The following NEDD1 variants were observed in gnomAD, a reference collection of about 807,000 sequenced individuals.
NEDD1 encodes NEDD1 gamma-tubulin ring complex targeting factor, also known as protein NEDD1.
In NEDD1, 33 loss-of-function variants were observed where a neutral mutation model predicts 74.0. The ratio of observed to expected loss-of-function variants is 0.45; its 90% CI spans 0.34 to 0.60. The LOEUF (loss-of-function observed/expected upper bound fraction) is 0.60, where lower values mean the gene tolerates loss of function less well. NEDD1 is among the 20% of genes least tolerant of loss of function. NEDD1 has a pLI of 0.01. For missense variants in NEDD1, 746 were observed against 776.5 expected (o/e 0.96, Z 0.47); for synonymous variants, 250 against 264.4 (o/e 0.95, Z 0.53).
chr12:96,908,508 A>G (rs149689333), intron 2 of NEDD1, among the ~76,000 whole-genome samples: 1 of 152,244 alleles, frequency 6.6e-6, no homozygotes, highest in East Asian at 1.9e-4. Flanking sequence ...ATCGTTCATT[A>G]CTACCTGTTG....
intron 10 of NEDD1, among the ~76,000 whole-genome samples, chr12:96,941,112 A>C (rs1337284798): frequency 6.6e-6 from 1 of 152,106 alleles, no homozygotes; most frequent in Non-Finnish European, 1.5e-5. Flanking sequence ...TAACAGCAAT[A>C]TTAATAACAT....
intron 3 of NEDD1, 66 bp downstream of exon 3, chr12:96,909,961 T>G: frequency 3.2e-6 from 5 of 1,539,770 alleles, no homozygotes; most frequent in Non-Finnish European, 3.5e-6. Flanking sequence ...AAACAACCAC[T>G]GTCAATGAAA....
intron 14 of NEDD1, among the ~76,000 whole-genome samples, chr12:96,947,161 A>C (rs537312305): frequency 6.6e-6 from 1 of 152,306 alleles, no homozygotes; most frequent in East Asian, 1.9e-4. Flanking sequence ...GCTTTGCCCT[A>C]ATCCTTTTTC....
At chr12:96,946,196 G>T (rs1427699417) in intron 14 of NEDD1, among the ~76,000 whole-genome samples, 1 of 152,076 alleles carries the variant, frequency 6.6e-6, no homozygotes, top group African/African-American at 2.4e-5. Context: ...TAGGTATGCT[G>T]TGTGCAATAA....
intron 4 of NEDD1, 150 bp downstream of exon 4, chr12:96,912,967 T>C: frequency 1.8e-6 from 1 of 551,244 alleles, no homozygotes; most frequent in Non-Finnish European, 3.2e-6. Flanking sequence ...CACTTAAAAA[T>C]GAGATATGTG....
At chr12:96,929,170 T>C (rs1238301140) in intron 6 of NEDD1, among the ~76,000 whole-genome samples, 1 of 151,858 alleles carries the variant, frequency 6.6e-6, no homozygotes, top group Non-Finnish European at 1.5e-5. Flanking sequence ...GTTATTTCTT[T>C]TTGATTTTTA....
chr12:96,921,332 C>G (rs1875065514), intron 6 of NEDD1, among the ~76,000 whole-genome samples: 1 of 152,166 alleles, frequency 6.6e-6, no homozygotes, highest in African/African-American at 2.4e-5. Context: ...CAGGCACCCA[C>G]CATCATGCCC....
Position 96,940,528 on chromosome 12 carries a change from A to G in NEDD1, c.1237A>G (p.Ile413Val), listed in dbSNP as rs1298879829. The G allele has an allele frequency of 2.5e-6, 4 of 1,603,822 alleles. No homozygotes were observed. Among genetic ancestry groups the G allele is most frequent in the African/African-American group, 1.3e-5 (1 of 74,592 alleles). The change falls in exon 10 of 16, where the codon ATC becomes GTC. Residue 413 changes from isoleucine (I) to valine (V), a missense_variant. Coordinates refer to ENST00000266742, the MANE Select transcript of NEDD1 (RefSeq NM_152905.4). ...KSSLGDMFSPIRDDAVVNKGS... is the reference protein window; with the variant it reads ...KSSLGDMFSPVRDDAVVNKGS... ...TAGTTTAGGTGACATGTTCTCACCT[A>G]TCAGAGATGGTAAGTCTGTTCAGAG... is the stretch of plus-strand genomic sequence containing the variant.
Position 96,937,362 on chromosome 12 carries a change from G to T in NEDD1, c.1086G>T (p.Gly362=), listed in dbSNP as rs754349416. 3 of 1,606,438 alleles carry T rather than the reference G, an allele frequency of 1.9e-6. No homozygotes were observed. The highest frequency in any genetic ancestry group is 2.6e-6 in the Non-Finnish European group (3 of 1,176,234). ...VLPQPMTSAM[G]KGTVAVQEKA... ...CACAACCTATGACATCAGCTATGGG[G>T]AAAGGAACAGTTGCTGTTCAAGAAA... Residue 362 remains glycine, a synonymous_variant, in exon 9 of 16, where the codon GGG becomes GGT. Coordinates refer to ENST00000266742, the MANE Select transcript of NEDD1 (RefSeq NM_152905.4).
rs769901144 is a variant in NEDD1, at chr12:96,948,933, CA to C, written c.1812-2498del. ...TTGGTTGGTTTCCTGCCATCTAACC[CA>C]GGGGGAGCATTGCTTAGAAGTCAAC... On this transcript the variant is annotated intron_variant, in intron 14 of 15. Transcript: ENST00000266742. 5.3e-5 allele frequency among the ~76,000 whole-genome samples: 8 copies of C among 152,274 alleles called. No homozygotes were observed. In the South Asian group the frequency reaches 1.7e-3, roughly 32 times the overall value.
At chr12:96,948,517 C>T (rs1878409649) in intron 14 of NEDD1, among the ~76,000 whole-genome samples, 1 of 152,048 alleles carries the variant, frequency 6.6e-6, no homozygotes, top group African/African-American at 2.4e-5. Flanking sequence ...TCTTTCCATT[C>T]TCAGCTCTCG....
chr12:96,939,918 A>G (rs746782896), intron 9 of NEDD1, among the ~76,000 whole-genome samples: 2 of 151,976 alleles, frequency 1.3e-5, no homozygotes, highest in East Asian at 3.9e-4. Context: ...AAGACAGAAA[A>G]CCCCTTCACT....
At chr12:96,925,539 C>A (rs1321189329) in intron 6 of NEDD1, among the ~76,000 whole-genome samples, 1 of 152,164 alleles carries the variant, frequency 6.6e-6, no homozygotes, top group Non-Finnish European at 1.5e-5. Context: ...TTTTGCATAT[C>A]TAGCTCAGGA....
chr12:96,928,284 C>G (rs761496020), intron 6 of NEDD1, among the ~76,000 whole-genome samples: 35 of 152,100 alleles, frequency 2.3e-4, no homozygotes, highest in Non-Finnish European at 4.4e-4. Context: ...TTTTTAATGA[C>G]TGGATGTATT....
At chr12:96,933,771 A>G (rs564568132) in intron 6 of NEDD1, among the ~76,000 whole-genome samples, 38 of 152,214 alleles carry the variant, frequency 2.5e-4, no homozygotes, top group Non-Finnish European at 5.1e-4. Context: ...TAGAATATAA[A>G]TTCATAGGGA....
chr12:96,931,456 C>T (rs965648982), intron 6 of NEDD1, among the ~76,000 whole-genome samples: 5 of 152,112 alleles, frequency 3.3e-5, no homozygotes, highest in African/African-American at 1.2e-4. Flanking sequence ...TTTTAAAAAT[C>T]TTCATAGCCC....
chr12:96,939,737 C>T (rs1473361424), intron 9 of NEDD1, among the ~76,000 whole-genome samples: 3 of 151,990 alleles, frequency 2.0e-5, no homozygotes, highest in African/African-American at 7.2e-5. Context: ...TGTGTTTATA[C>T]ACTGCCAGAA....
At position 96,909,792 on chromosome 12, in the gene NEDD1, AGAT is replaced by A. The variant is rs765765229; in HGVS notation, c.37_39del (p.Asp13del). The A allele has an allele frequency of 3.1e-6, 5 of 1,613,328 alleles. No homozygotes were observed. Among genetic ancestry groups the A allele is most frequent in the Non-Finnish European group, 2.5e-6 (3 of 1,179,308 alleles). ...AAAACCTCAGATTTGCTTCATCAGG[AGAT>A]GATATTAAAATATGGGATGCTTCAT... On this transcript the variant is annotated inframe_deletion, in exon 3 of 16. Coordinates refer to ENST00000266742, the MANE Select transcript of NEDD1 (RefSeq NM_152905.4).
chr12:96,943,579 G>T lies in NEDD1; in HGVS notation c.1314G>T (p.Gln438His). 6.2e-7 allele frequency: 1 copy of T among 1,612,978 alleles called. No individual in the cohort carries two copies. The highest frequency in any genetic ancestry group is 1.1e-5 in the South Asian group (1 of 91,046). ...GKGDGFDFLP[Q>H]LNSVFPPRKN... ...TTCCAGGCTTTGACTTTCTACCGCA[G>T]TTGAACTCAGTGTTTCCTCCAAGAA... Residue 438 changes from glutamine (Q) to histidine (H), a missense_variant, in exon 12 of 16, where the codon CAG (glutamine) becomes CAT (histidine). Physicochemically the swap from Gln to His is conservative, Grantham distance 24. This residue lies in a region of NEDD1 where 706 missense variants were observed against 706.7 expected (regional missense o/e 1.00). Transcript: ENST00000266742.
Sources: allele counts gnomAD v4.1 joint callset (sites outside exome capture counted in the v4.1 genomes callset), GRCh38; gene constraint gnomAD v4.1.1; regional missense constraint gnomAD v4.1.1; transcripts MANE v1.5; gene names NCBI Gene and HGNC (gene_info 2026-07-23, HGNC 2026-07-21).